The following CHLSN variants were observed in gnomAD, a reference collection of about 807,000 sequenced individuals.
CHLSN encodes the protein cholesin.
At chr7:1,103,036 C>T in the CHLSN span, among the ~76,000 whole-genome samples, 1 of 152,224 alleles carries the variant, frequency 6.6e-6, no homozygotes, top group African/African-American at 2.4e-5. Flanking sequence ...CGGAGCCCAC[C>T]ACATGTCTGA....
the CHLSN span, among the ~76,000 whole-genome samples, chr7:1,040,148 G>A: frequency 2.0e-4 from 21 of 106,742 alleles, no homozygotes; most frequent in African/African-American, 5.5e-4. Context: ...CCCTCTGTGA[G>A]AAACACCCAA....
the CHLSN span, among the ~76,000 whole-genome samples, chr7:1,004,791 G>A: frequency 6.6e-6 from 1 of 152,234 alleles, no homozygotes; most frequent in African/African-American, 2.4e-5. Flanking sequence ...CTGCCTAGGT[G>A]GGGCAGCAGA....
chr7:1,105,373 G>A, the CHLSN span, among the ~76,000 whole-genome samples: 26 of 152,342 alleles, frequency 1.7e-4, no homozygotes, highest in Admixed American at 3.9e-4. Flanking sequence ...TCTGGAGCCC[G>A]AGGGTGACGC....
At chr7:1,016,664 C>T in the CHLSN span, among the ~76,000 whole-genome samples, 57 of 77,676 alleles carry the variant, frequency 7.3e-4, 1 homozygote, top group African/African-American at 1.1e-3. Flanking sequence ...CACAGCAGCG[C>T]ACAGCAGCAC....
chr7:1,002,559 T>C, the CHLSN span, among the ~76,000 whole-genome samples: 27 of 44,852 alleles, frequency 6.0e-4, no homozygotes, highest in African/African-American at 1.5e-3. Flanking sequence ...GTGAGTGGAG[T>C]CCTGCGGGTG....
the CHLSN span, among the ~76,000 whole-genome samples, chr7:1,053,602 C>T: frequency 5.9e-5 from 9 of 152,258 alleles, no homozygotes; most frequent in Middle Eastern, 6.8e-3. Context: ...CCGAGGTGGG[C>T]GGATCACCTG....
At chr7:1,026,864 G>A in the CHLSN span, 3 of 152,228 alleles carry the variant, frequency 2.0e-5, no homozygotes, top group African/African-American at 7.2e-5. Context: ...CAGCCTCTGG[G>A]CTTCATCCTG....
At chr7:1,055,324 C>T in the CHLSN span, 8 of 471,132 alleles carry the variant, frequency 1.7e-5, no homozygotes, top group East Asian at 2.1e-4. Flanking sequence ...CACGCGCAGG[C>T]GGCCAGGCGC....
chr7:1,107,814 G>A, the CHLSN span, among the ~76,000 whole-genome samples: 1 of 151,462 alleles, frequency 6.6e-6, no homozygotes, highest in Admixed American at 6.6e-5. Context: ...GGAAGCAGAG[G>A]AGGGCTGTGT....
the CHLSN span, among the ~76,000 whole-genome samples, chr7:1,112,952 G>A: frequency 6.6e-6 from 1 of 152,168 alleles, no homozygotes; most frequent in Non-Finnish European, 1.5e-5. Flanking sequence ...AAAAGCCAAA[G>A]CCCAGAGATC....
At chr7:1,066,756 G>A in the CHLSN span, among the ~76,000 whole-genome samples, 2 of 152,264 alleles carry the variant, frequency 1.3e-5, no homozygotes, top group South Asian at 2.1e-4. Context: ...CGGCACGAGG[G>A]AAGGCCCCAC....
At chr7:1,002,351 A>G in the CHLSN span, among the ~76,000 whole-genome samples, 2 of 72,580 alleles carry the variant, frequency 2.8e-5, no homozygotes, top group Non-Finnish European at 5.3e-5. Flanking sequence ...GTGGGTGGGG[A>G]GTCCTGTGGG....
chr7:1,047,667 G>A, the CHLSN span, among the ~76,000 whole-genome samples: 1 of 152,276 alleles, frequency 6.6e-6, no homozygotes, highest in African/African-American at 2.4e-5. Context: ...TGCATGGCAG[G>A]TTCGGCCAGG....
chr7:1,004,628 G>A, the CHLSN span, among the ~76,000 whole-genome samples: 2 of 152,330 alleles, frequency 1.3e-5, no homozygotes, highest in Admixed American at 6.5e-5. Flanking sequence ...CAGACACAGC[G>A]AGGGGCGGGT....
chr7:1,125,102 G>C, the CHLSN span, among the ~76,000 whole-genome samples: 1 of 152,236 alleles, frequency 6.6e-6, no homozygotes, highest in Non-Finnish European at 1.5e-5. Flanking sequence ...AGCCACAGAC[G>C]TGGTGGACGT....
chr7:1,137,443 A>G, the CHLSN span: 1 of 152,214 alleles, frequency 6.6e-6, no homozygotes, highest in Non-Finnish European at 1.5e-5. Context: ...GAGGAACCCA[A>G]TGAACGTTTT....
At chr7:1,045,595 C>A in the CHLSN span, 1 of 152,220 alleles carries the variant, frequency 6.6e-6, no homozygotes, top group African/African-American at 2.4e-5. Context: ...ACCGTCCTAA[C>A]TGGGGCACCG....
chr7:1,124,402 A>G, the CHLSN span, among the ~76,000 whole-genome samples: 1 of 151,318 alleles, frequency 6.6e-6, no homozygotes, highest in Admixed American at 6.6e-5. Context: ...CGCGCCCACC[A>G]AAGTCGTGTG....
chr7:994,061 A>C, the CHLSN span, among the ~76,000 whole-genome samples: 9 of 152,210 alleles, frequency 5.9e-5, no homozygotes, highest in Admixed American at 1.3e-4. Context: ...TTGGCCTGGA[A>C]AGCCCAGTCT....
Sources: gnomAD v4.1 joint callset for allele counts (sites outside exome capture counted in the v4.1 genomes callset) on GRCh38, gnomAD v4.1.1 for gene constraint, MANE v1.5 for transcripts, NCBI Gene and HGNC (gene_info 2026-07-23, HGNC 2026-07-21) for gene names.